The following DGKB variants were observed in gnomAD, a reference collection of about 807,000 sequenced individuals.
DGKB encodes diacylglycerol kinase beta.
A neutral mutation model predicts 114.3 loss-of-function variants in DGKB; 67 were observed. The ratio of observed to expected loss-of-function variants is 0.59; its 90% CI spans 0.48 to 0.72. The LOEUF is 0.72. Ranked by LOEUF, DGKB falls within the 30% of genes least tolerant of loss-of-function variation. DGKB has a pLI of 0.00. For missense variants in DGKB, 907 were observed against 975.2 expected (o/e 0.93, Z 0.93); for synonymous variants, 398 against 323.1 (o/e 1.23, Z -2.49).
At chr7:14,494,063 G>A (rs764464743) in intron 20 of DGKB, among the ~76,000 whole-genome samples, 2 of 151,570 alleles carry the variant, frequency 1.3e-5, no homozygotes, top group African/African-American at 4.8e-5. Context: ...AATGCTCCAC[G>A]TTATTTTGGC....
rs146596737 is a variant in DGKB at position 14,373,780 on chromosome 7, C to T, written c.1836-28389G>A. Among the ~76,000 whole-genome samples the T allele has an allele frequency of 9.2e-4, 140 of 152,128 alleles. 1 individual carries two copies. The East Asian group carries it at 0.018, about 19-fold the overall frequency. On this transcript the variant is annotated intron_variant, in intron 21 of 25. Transcript: ENST00000402815. Reference sequence around the variant, plus strand: ...TGAGTGGTACCATGGTAGATGACTCCCACTAGTATTTTCTACTTTTTCCAT... The same window carrying T: ...TGAGTGGTACCATGGTAGATGACTCTCACTAGTATTTTCTACTTTTTCCAT...
At chr7:14,866,448 G>A (rs532505569) in intron 1 of DGKB, among the ~76,000 whole-genome samples, 1 of 152,174 alleles carries the variant, frequency 6.6e-6, no homozygotes, top group African/African-American at 2.4e-5. Flanking sequence ...CTTTTGTACT[G>A]TTCTGTAATT....
chr7:14,160,051 T>G (rs1200497041), intron 25 of DGKB, among the ~76,000 whole-genome samples: 1 of 152,176 alleles, frequency 6.6e-6, no homozygotes, highest in Non-Finnish European at 1.5e-5. Context: ...TGTTTAATAA[T>G]AGCTATTTTG....
chr7:14,408,792 T>C (rs1356793154), intron 21 of DGKB, among the ~76,000 whole-genome samples: 1 of 152,130 alleles, frequency 6.6e-6, no homozygotes, highest in Non-Finnish European at 1.5e-5. Context: ...ACGTGGATTT[T>C]TTTTCAACAA....
intron 16 of DGKB, among the ~76,000 whole-genome samples, chr7:14,611,760 G>A (rs867388057): frequency 6.6e-6 from 1 of 151,306 alleles, no homozygotes; most frequent in African/African-American, 2.4e-5. Context: ...TGGTAGAAAG[G>A]GAAGGCAAAT....
chr7:14,551,501 T>C (rs762713595), intron 20 of DGKB, among the ~76,000 whole-genome samples: 6 of 152,202 alleles, frequency 3.9e-5, no homozygotes, highest in Non-Finnish European at 8.8e-5. Flanking sequence ...AGTGTCCAAA[T>C]TGGAACTTAC....
chr7:14,969,351 T>G (rs554181392), intron 1 of DGKB, among the ~76,000 whole-genome samples: 1 of 152,316 alleles, frequency 6.6e-6, no homozygotes, highest in Non-Finnish European at 1.5e-5. Context: ...ATGGGGATAC[T>G]TTCTGAGAAG....
chr7:14,789,533 T>A (rs1033123989), intron 2 of DGKB, among the ~76,000 whole-genome samples: 4 of 152,168 alleles, frequency 2.6e-5, no homozygotes, highest in Admixed American at 2.0e-4. Context: ...TGGGCTATTA[T>A]GAATGAAGTG....
At chr7:14,596,896 C>A (rs191429548) in intron 17 of DGKB, among the ~76,000 whole-genome samples, 1 of 152,156 alleles carries the variant, frequency 6.6e-6, no homozygotes, top group African/African-American at 2.4e-5. Flanking sequence ...AAAATACCCT[C>A]TTTTTAAAAT....
chr7:14,315,756 T>C (rs200810125), intron 23 of DGKB, among the ~76,000 whole-genome samples: 35,828 of 150,780 alleles, frequency 0.24, 4,711 homozygotes, highest in South Asian at 0.36. Context: ...TACCCAGGAA[T>C]TGAACTCAGC....
At chr7:14,566,941 C>G (rs192077776) in intron 20 of DGKB, among the ~76,000 whole-genome samples, 6 of 150,254 alleles carry the variant, frequency 4.0e-5, no homozygotes, top group Non-Finnish European at 7.4e-5. Flanking sequence ...TTCATGGTAG[C>G]TTTTGTTTTC....
chr7:14,238,186 G>A (rs1351174903), intron 23 of DGKB, among the ~76,000 whole-genome samples: 1 of 152,022 alleles, frequency 6.6e-6, no homozygotes, highest in Non-Finnish European at 1.5e-5. Context: ...TAATTCCCAT[G>A]TATTGAGGGA....
chr7:14,886,292 A>G (rs999272140), intron 1 of DGKB, among the ~76,000 whole-genome samples: 1 of 151,894 alleles, frequency 6.6e-6, no homozygotes, highest in African/African-American at 2.4e-5. Flanking sequence ...CATGGGAAGA[A>G]GTGTTTGGAA....
At chr7:14,815,763 T>C (rs1473904114) in intron 2 of DGKB, among the ~76,000 whole-genome samples, 2 of 152,108 alleles carry the variant, frequency 1.3e-5, no homozygotes, top group East Asian at 1.9e-4. Flanking sequence ...TATTTCCTTA[T>C]TCAACAGCAG....
chr7:14,885,848 G>C lies in DGKB; in HGVS notation c.-188+16744C>G, dbSNP rs568316880. 3.3e-5 allele frequency among the ~76,000 whole-genome samples: 5 copies of C among 151,978 alleles called. No individual in the cohort carries two copies. The South Asian group carries it at 1.0e-3, about 31-fold the overall frequency. ...CTAAAGTCAGGATTTAAACCAAGTA[G>C]TTCTTAATCACTGTGCTAAACAATT... On this transcript the variant is annotated intron_variant, in intron 1 of 25. Coordinates refer to ENST00000402815, the MANE Select transcript of DGKB (RefSeq NM_001350709.2).
At chr7:14,850,854 A>G (rs1849257792) in intron 1 of DGKB, among the ~76,000 whole-genome samples, 1 of 152,306 alleles carries the variant, frequency 6.6e-6, no homozygotes, top group Non-Finnish European at 1.5e-5. Context: ...ATATTCTTAC[A>G]CATTTGAGTT....
chr7:14,543,247 C>T (rs1328250299), intron 20 of DGKB, among the ~76,000 whole-genome samples: 1 of 151,912 alleles, frequency 6.6e-6, no homozygotes, highest in Non-Finnish European at 1.5e-5. Context: ...AGTTGGAGAC[C>T]AGCCTGGGCA....
intron 17 of DGKB, among the ~76,000 whole-genome samples, chr7:14,587,732 T>G (rs1801016499): frequency 6.6e-6 from 1 of 152,108 alleles, no homozygotes; most frequent in African/African-American, 2.4e-5. Context: ...CTAAACTCTC[T>G]ACCAGAAAAA....
At chr7:14,896,208 TATGAC>T (rs1782075979) in intron 1 of DGKB, among the ~76,000 whole-genome samples, 1 of 151,658 alleles carries the variant, frequency 6.6e-6, no homozygotes, top group Non-Finnish European at 1.5e-5. Context: ...GGATGATAGC[TATGAC>T]TATGTTTTCA....
Sources: gnomAD v4.1 joint callset for allele counts (sites outside exome capture counted in the v4.1 genomes callset) on GRCh38, gnomAD v4.1.1 for gene constraint, MANE v1.5 for transcripts, NCBI Gene and HGNC (gene_info 2026-07-23, HGNC 2026-07-21) for gene names.